The following CNTN5 variants were observed in gnomAD, a reference collection of about 807,000 sequenced individuals.
CNTN5 encodes the protein contactin-5.
In CNTN5, 77 loss-of-function variants were observed where a neutral mutation model predicts 129.1. That is an observed-to-expected ratio of 0.60 (90% CI 0.50 to 0.72). The LOEUF is 0.72. Ranked by LOEUF, CNTN5 falls within the 30% of genes least tolerant of loss-of-function variation. The probability of loss-of-function intolerance (pLI) is 0.00; values close to 1 mark genes in which losing one functional copy is unlikely to be tolerated. For synonymous variants in CNTN5, 509 were observed against 465.6 expected (o/e 1.09, Z -1.20); for missense variants, 1,478 against 1,328.8 (o/e 1.11, Z -1.75).
intron 1 of CNTN5, among the ~76,000 whole-genome samples, chr11:99,144,343 A>T (rs1024508764): frequency 6.6e-6 from 1 of 152,200 alleles, no homozygotes; most frequent in African/African-American, 2.4e-5. Flanking sequence ...TTCAAATAGT[A>T]ATTATTCTAA....
intron 9 of CNTN5, among the ~76,000 whole-genome samples, chr11:100,060,548 C>T (rs543546789): frequency 1.3e-5 from 2 of 152,024 alleles, no homozygotes; most frequent in East Asian, 1.9e-4. Flanking sequence ...TAATTCCTAA[C>T]CCTTTGGTTT....
At chr11:99,194,751 G>C (rs979359028) in intron 1 of CNTN5, among the ~76,000 whole-genome samples, 26 of 152,068 alleles carry the variant, frequency 1.7e-4, no homozygotes, top group African/African-American at 5.8e-4. Context: ...GACTACAGGT[G>C]CATGCCGCCA....
chr11:100,081,690 T>C (rs776970633), intron 13 of CNTN5, among the ~76,000 whole-genome samples: 59 of 152,192 alleles, frequency 3.9e-4, no homozygotes, highest in Non-Finnish European at 6.6e-4. Context: ...GGAAATTATG[T>C]AATTCCGTGT....
intron 21 of CNTN5, among the ~76,000 whole-genome samples, chr11:100,318,518 A>G (rs1327551080): frequency 2.0e-5 from 3 of 152,228 alleles, no homozygotes; most frequent in Non-Finnish European, 4.4e-5. Context: ...TAAAGTGCTG[A>G]GACATTATTT....
intron 1 of CNTN5, among the ~76,000 whole-genome samples, chr11:99,194,971 A>G (rs1409846681): frequency 6.6e-6 from 1 of 152,194 alleles, no homozygotes; most frequent in African/African-American, 2.4e-5. Flanking sequence ...TTTCACGAAC[A>G]CGAAGTCAAG....
At chr11:99,587,949 G>C (rs183603594) in intron 3 of CNTN5, among the ~76,000 whole-genome samples, 140 of 152,238 alleles carry the variant, frequency 9.2e-4, no homozygotes, top group African/African-American at 3.2e-3. Flanking sequence ...AAGCAAAGAG[G>C]AACAGCATAA....
At chr11:100,012,096 G>T (rs983751165) in intron 9 of CNTN5, among the ~76,000 whole-genome samples, 2 of 152,114 alleles carry the variant, frequency 1.3e-5, no homozygotes, top group Non-Finnish European at 1.5e-5. Context: ...AGAAGATCTG[G>T]GGATAGGAGT....
intron 1 of CNTN5, among the ~76,000 whole-genome samples, chr11:99,263,184 C>T (rs555387567): frequency 6.0e-4 from 92 of 152,206 alleles, no homozygotes; most frequent in African/African-American, 2.1e-3. Context: ...GTGTCTTCTA[C>T]GCTCCTTTTC....
intron 6 of CNTN5, among the ~76,000 whole-genome samples, chr11:99,889,255 G>A (rs1948981933): frequency 6.6e-6 from 1 of 150,772 alleles, no homozygotes. Flanking sequence ...TGTCAGCATG[G>A]GCTTATGTCA....
intron 3 of CNTN5, among the ~76,000 whole-genome samples, chr11:99,785,934 A>G (rs2845946): frequency 0.25 from 38,317 of 152,020 alleles, 5,338 homozygotes; most frequent in Non-Finnish European, 0.33. Flanking sequence ...ATTCCCTTTG[A>G]AAGCCGGCAC....
chr11:99,267,497 TGA>T (rs1294432881), intron 1 of CNTN5, among the ~76,000 whole-genome samples: 1 of 151,990 alleles, frequency 6.6e-6, no homozygotes, highest in African/African-American at 2.4e-5. Flanking sequence ...ATTATGAAAG[TGA>T]GAGAAAGAAA....
chr11:99,574,667 G>A (rs1281437743), intron 3 of CNTN5, among the ~76,000 whole-genome samples: 1 of 152,128 alleles, frequency 6.6e-6, no homozygotes. Flanking sequence ...TGGTGATGTT[G>A]AGCTTTTTTT....
At chr11:99,794,898 C>G (rs1945878681) in intron 3 of CNTN5, among the ~76,000 whole-genome samples, 1 of 151,978 alleles carries the variant, frequency 6.6e-6, no homozygotes, top group Non-Finnish European at 1.5e-5. Flanking sequence ...GACTATGTGT[C>G]TTTGAGATGG....
At chr11:99,962,619 C>A (rs1206618357) in intron 8 of CNTN5, among the ~76,000 whole-genome samples, 1 of 150,832 alleles carries the variant, frequency 6.6e-6, no homozygotes, top group Non-Finnish European at 1.5e-5. Context: ...AATAAACATA[C>A]GTGTGCATGT....
chr11:99,146,850 C>T (rs978420469), intron 1 of CNTN5, among the ~76,000 whole-genome samples: 36 of 152,072 alleles, frequency 2.4e-4, no homozygotes, highest in African/African-American at 8.4e-4. Flanking sequence ...GCCTCCCAAG[C>T]AGCTGAGACT....
chr11:99,344,211 G>A (rs939278860), intron 2 of CNTN5, among the ~76,000 whole-genome samples: 3 of 152,108 alleles, frequency 2.0e-5, no homozygotes, highest in African/African-American at 4.8e-5. Flanking sequence ...CCGATAGATC[G>A]ATAACTTGCT....
At chr11:100,005,870 C>G (rs570962191) in intron 9 of CNTN5, among the ~76,000 whole-genome samples, 4 of 152,106 alleles carry the variant, frequency 2.6e-5, no homozygotes, top group African/African-American at 7.2e-5. Context: ...TCAACTTTAC[C>G]TGTTCCCAGC....
intron 2 of CNTN5, among the ~76,000 whole-genome samples, chr11:99,495,885 G>T (rs1236748942): frequency 6.6e-6 from 1 of 152,146 alleles, no homozygotes; most frequent in East Asian, 1.9e-4. Flanking sequence ...TGACTGGGTT[G>T]GGAGACTGAG....
chr11:99,700,202 G>A (rs976226618), intron 3 of CNTN5, among the ~76,000 whole-genome samples: 4 of 151,380 alleles, frequency 2.6e-5, no homozygotes, highest in African/African-American at 9.7e-5. Flanking sequence ...AATGGAGCAA[G>A]TTTTCTTTGG....
Sources: allele counts gnomAD v4.1 joint callset (sites outside exome capture counted in the v4.1 genomes callset), GRCh38; gene constraint gnomAD v4.1.1; transcripts MANE v1.5; gene names NCBI Gene and HGNC (gene_info 2026-07-23, HGNC 2026-07-21).